ADCY2: variants seen among roughly 807,000 people sequenced by gnomAD.
ADCY2 encodes adenylate cyclase type 2.
Under a neutral mutation model 125.2 loss-of-function variants are expected in ADCY2, and 31 were observed. The observed-to-expected ratio is 0.25, with a 90% confidence interval of 0.19 to 0.33. The LOEUF (loss-of-function observed/expected upper bound fraction) is 0.33. ADCY2 is among the 10% of genes least tolerant of loss of function. The pLI is 1.00. For synonymous variants in ADCY2, 512 were observed against 548.4 expected, an observed-to-expected ratio of 0.93 and a Z score of 0.93; for missense variants, 904 against 1,418.2, an observed-to-expected ratio of 0.64 and a Z score of 5.82.
At chr5:7,473,389 T>A (rs1032763662) in intron 2 of ADCY2, among the ~76,000 whole-genome samples, 2 of 151,972 alleles carry the variant, frequency 1.3e-5, no homozygotes, top group African/African-American at 4.8e-5. Context: ...GGTGCCAGGC[T>A]CTTTTGAACA....
intron 17 of ADCY2, among the ~76,000 whole-genome samples, chr5:7,771,571 G>A (rs1042634287): frequency 6.6e-6 from 1 of 152,098 alleles, no homozygotes; most frequent in East Asian, 1.9e-4. Flanking sequence ...ACTCATTCCT[G>A]CTTGAGTGCC....
chr5:7,632,793 G>A (rs769746497), intron 4 of ADCY2, among the ~76,000 whole-genome samples: 22 of 152,184 alleles, frequency 1.4e-4, no homozygotes, highest in Non-Finnish European at 2.2e-4. Context: ...ATTTTGCCAT[G>A]ATGTTTATGG....
At chr5:7,747,586 C>T (rs538144076) in intron 15 of ADCY2, among the ~76,000 whole-genome samples, 3 of 152,238 alleles carry the variant, frequency 2.0e-5, no homozygotes, top group East Asian at 3.9e-4. Flanking sequence ...GCCTTCATCA[C>T]GCTGCGTCAA....
chr5:7,498,239 G>GTTTT (rs910360437), intron 2 of ADCY2, among the ~76,000 whole-genome samples: 14 of 62,112 alleles, frequency 2.3e-4, no homozygotes, highest in African/African-American at 5.6e-4. Context: ...TTCTTTTTTC[G>GTTTT]TTTTTTTTTT....
At chr5:7,704,794 C>T (rs1458817036) in intron 7 of ADCY2, among the ~76,000 whole-genome samples, 6 of 151,482 alleles carry the variant, frequency 4.0e-5, no homozygotes, top group Admixed American at 1.3e-4. Context: ...AGGAGAATGG[C>T]GTGAACCCGG....
Position 7,826,931 on chromosome 5 carries a change from G to A in ADCY2, c.*60G>A, listed in dbSNP as rs1745499352. On this transcript the variant is annotated 3_prime_UTR_variant, in exon 25 of 25. Coordinates refer to ENST00000338316, the MANE Select transcript of ADCY2 (RefSeq NM_020546.3). Reference sequence around the variant, plus strand: ...TTCAGGAAGGTATCACACACTTTCTGACTGCAACTTCTGTCCCTTGTTTTT... The same window carrying A: ...TTCAGGAAGGTATCACACACTTTCTAACTGCAACTTCTGTCCCTTGTTTTT... 6.5e-7 allele frequency: 1 copy of A among 1,546,018 alleles called. No individual in the cohort carries two copies.
intron 4 of ADCY2, among the ~76,000 whole-genome samples, chr5:7,668,882 G>A (rs1445416491): frequency 1.3e-5 from 2 of 152,124 alleles, no homozygotes; most frequent in African/African-American, 4.8e-5. Context: ...ACTAATTTTG[G>A]AATAGCCTGA....
intron 24 of ADCY2, among the ~76,000 whole-genome samples, chr5:7,823,532 C>G (rs1295079484): frequency 1.3e-5 from 2 of 152,180 alleles, no homozygotes; most frequent in Non-Finnish European, 2.9e-5. Context: ...ATAAACATCG[C>G]TAGCCACTTC....
intron 3 of ADCY2, among the ~76,000 whole-genome samples, chr5:7,522,905 G>A (rs1437648823): frequency 1.3e-5 from 2 of 148,600 alleles, no homozygotes; most frequent in African/African-American, 5.0e-5. Context: ...CAGCCTGGGC[G>A]ACTGAGCAAA....
intron 3 of ADCY2, among the ~76,000 whole-genome samples, chr5:7,565,817 G>A (rs757700568): frequency 3.3e-5 from 5 of 152,244 alleles, no homozygotes; most frequent in African/African-American, 4.8e-5. Flanking sequence ...GCCAAATGAC[G>A]ATTAACAGCC....
intron 3 of ADCY2, among the ~76,000 whole-genome samples, chr5:7,533,465 C>T (rs1734716715): frequency 6.6e-6 from 1 of 151,848 alleles, no homozygotes; most frequent in Admixed American, 6.6e-5. Flanking sequence ...TATTGTTTTA[C>T]CATTTTTATC....
intron 2 of ADCY2, among the ~76,000 whole-genome samples, chr5:7,444,314 A>G (rs185991178): frequency 0.015 from 2,207 of 151,718 alleles, 56 homozygotes; most frequent in African/African-American, 0.051. Flanking sequence ...ATGGGGTTTC[A>G]CCGTGTTAGC....
intron 10 of ADCY2, among the ~76,000 whole-genome samples, chr5:7,710,309 C>T (rs9686366): frequency 1.3e-3 from 195 of 152,246 alleles, no homozygotes; most frequent in African/African-American, 4.4e-3. Flanking sequence ...GACTATCAGA[C>T]GGAAGACCAT....
At chr5:7,784,965 C>T (rs1744038608) in intron 19 of ADCY2, among the ~76,000 whole-genome samples, 1 of 152,156 alleles carries the variant, frequency 6.6e-6, no homozygotes, top group Non-Finnish European at 1.5e-5. Context: ...CCCTCCAACC[C>T]TTCTGGTCTC....
chr5:7,451,722 G>A (rs561508271), intron 2 of ADCY2, among the ~76,000 whole-genome samples: 1 of 152,142 alleles, frequency 6.6e-6, no homozygotes, highest in East Asian at 1.9e-4. Flanking sequence ...ACATGGATGT[G>A]GCAAACTTAA....
At chr5:7,664,417 T>C (rs4289537) in intron 4 of ADCY2, among the ~76,000 whole-genome samples, 107,634 of 152,046 alleles carry the variant, frequency 0.71, 38,557 homozygotes, top group East Asian at 0.97. Context: ...CCTTCAGGAA[T>C]GGAAAGGAGA....
chr5:7,520,584 T>G (rs1744405334), intron 2 of ADCY2, among the ~76,000 whole-genome samples, 154 bp from the exon 3 acceptor site: 1 of 152,250 alleles, frequency 6.6e-6, no homozygotes, highest in South Asian at 2.1e-4. Flanking sequence ...TCCAGTGGAC[T>G]TATTTGCATC....
chr5:7,769,338 T>G (rs1029023731), intron 17 of ADCY2, among the ~76,000 whole-genome samples: 14 of 152,168 alleles, frequency 9.2e-5, no homozygotes, highest in African/African-American at 3.1e-4. Context: ...AACCACCATA[T>G]AAGACATTGT....
chr5:7,455,684 T>G (rs1435699335), intron 2 of ADCY2, among the ~76,000 whole-genome samples: 1 of 147,220 alleles, frequency 6.8e-6, no homozygotes, highest in Non-Finnish European at 1.5e-5. Context: ...ATACATACAT[T>G]TTGTTATATC....
Sources: gnomAD v4.1 joint callset for allele counts (sites outside exome capture counted in the v4.1 genomes callset) on GRCh38, gnomAD v4.1.1 for gene constraint, MANE v1.5 for transcripts, NCBI Gene and HGNC (gene_info 2026-07-23, HGNC 2026-07-21) for gene names.